Variants in SCHIP1 observed in about 807,000 individuals in gnomAD.
The protein encoded by SCHIP1 is schwannomin-interacting protein 1.
SCHIP1 carries 8 observed loss-of-function variants against 29.7 expected under a neutral mutation model. That is an observed-to-expected ratio of 0.27 (90% CI 0.16 to 0.49). The LOEUF is 0.49. Ranked by LOEUF, SCHIP1 falls within the 20% of genes least tolerant of loss-of-function variation. SCHIP1 has a pLI of 0.99. For synonymous variants in SCHIP1, 76 were observed against 94.9 expected, an observed-to-expected ratio of 0.80 and a Z score of 1.16; for missense variants, 193 against 294.6, an observed-to-expected ratio of 0.66 and a Z score of 2.52.
At chr3:159,728,057 TG>T in the SCHIP1 span, among the ~76,000 whole-genome samples, 1 of 151,984 alleles carries the variant, frequency 6.6e-6, no homozygotes, top group African/African-American at 2.4e-5. Flanking sequence ...TTAATAAATC[TG>T]GACCCATTGT....
exon 1 of SCHIP1, chr3:159,840,098 C>A: frequency 6.5e-7 from 1 of 1,527,546 alleles, no homozygotes; most frequent in Admixed American, 2.0e-5. Flanking sequence ...GGCGTTCTCT[C>A]CGCCCGCCGG....
the SCHIP1 span, among the ~76,000 whole-genome samples, chr3:159,787,768 A>G: frequency 2.0e-5 from 3 of 152,154 alleles, no homozygotes; most frequent in Non-Finnish European, 2.9e-5. Context: ...CAGCATTTTC[A>G]AAGTTTCAAA....
At chr3:159,354,160 A>G in the SCHIP1 span, among the ~76,000 whole-genome samples, 4 of 152,200 alleles carry the variant, frequency 2.6e-5, no homozygotes, top group Non-Finnish European at 5.9e-5. Context: ...CTAAAAACAA[A>G]TCTGTTATTT....
chr3:159,668,658 G>T, the SCHIP1 span, among the ~76,000 whole-genome samples: 1 of 152,122 alleles, frequency 6.6e-6, no homozygotes, highest in African/African-American at 2.4e-5. Context: ...TAAGGATGTT[G>T]AGTCCAGGTT....
the SCHIP1 span, among the ~76,000 whole-genome samples, chr3:159,562,496 A>G: frequency 6.6e-6 from 1 of 152,156 alleles, no homozygotes; most frequent in Non-Finnish European, 1.5e-5. Context: ...ACTGAGGGTG[A>G]AGTAAATTTG....
At chr3:159,876,288 G>A (rs1423168791) in intron 2 of SCHIP1, among the ~76,000 whole-genome samples, 2 of 152,196 alleles carry the variant, frequency 1.3e-5, no homozygotes, top group Non-Finnish European at 2.9e-5. Context: ...TTTCGGGTCT[G>A]TTCACTAGGC....
the SCHIP1 span, among the ~76,000 whole-genome samples, chr3:159,387,663 G>A: frequency 6.6e-6 from 1 of 152,306 alleles, no homozygotes; most frequent in South Asian, 2.1e-4. Flanking sequence ...GGTCTTGCTA[G>A]TGACTATACA....
the SCHIP1 span, among the ~76,000 whole-genome samples, chr3:159,680,629 A>T: frequency 2.3e-5 from 2 of 87,656 alleles, no homozygotes; most frequent in African/African-American, 1.0e-4. Context: ...TATAATATAT[A>T]TTTTATATAT....
the SCHIP1 span, chr3:159,282,500 TA>T: frequency 5.9e-5 from 9 of 151,858 alleles, no homozygotes; most frequent in South Asian, 1.9e-3. Context: ...AAATAAAACC[TA>T]CTTAGTATCC....
the SCHIP1 span, among the ~76,000 whole-genome samples, chr3:159,358,322 C>G: frequency 6.6e-6 from 1 of 152,216 alleles, no homozygotes; most frequent in Non-Finnish European, 1.5e-5. Flanking sequence ...ACAGGGGTAT[C>G]TGGCCAGTCC....
intron 1 of SCHIP1, among the ~76,000 whole-genome samples, chr3:159,850,364 G>A (rs183074864): frequency 3.0e-3 from 449 of 152,114 alleles, no homozygotes; most frequent in Non-Finnish European, 5.2e-3. Flanking sequence ...GACCATCCTA[G>A]CCAACATGGT....
At chr3:159,781,376 A>G in the SCHIP1 span, among the ~76,000 whole-genome samples, 1 of 152,120 alleles carries the variant, frequency 6.6e-6, no homozygotes, top group African/African-American at 2.4e-5. Flanking sequence ...GGGTTTCACT[A>G]TGTTGGCCAG....
chr3:159,395,609 T>C, the SCHIP1 span, among the ~76,000 whole-genome samples: 2 of 152,184 alleles, frequency 1.3e-5, no homozygotes, highest in African/African-American at 4.8e-5. Flanking sequence ...GGTTGTTCAG[T>C]TTCCATGTAG....
At chr3:159,549,275 T>C in the SCHIP1 span, among the ~76,000 whole-genome samples, 112 of 152,264 alleles carry the variant, frequency 7.4e-4, no homozygotes, top group African/African-American at 2.6e-3. Context: ...TGTCCTTAAC[T>C]CCGTTCTCTG....
the SCHIP1 span, among the ~76,000 whole-genome samples, chr3:159,659,003 C>A: frequency 4.6e-5 from 7 of 152,304 alleles, no homozygotes; most frequent in South Asian, 1.0e-3. Flanking sequence ...GTTTATTCCC[C>A]TAGACATATG....
At chr3:159,494,939 A>C in the SCHIP1 span, among the ~76,000 whole-genome samples, 1 of 152,230 alleles carries the variant, frequency 6.6e-6, no homozygotes, top group Non-Finnish European at 1.5e-5. Context: ...CTGGGATGCA[A>C]GGCTGGTTCA....
chr3:159,796,256 C>T, the SCHIP1 span, among the ~76,000 whole-genome samples: 31 of 151,598 alleles, frequency 2.0e-4, no homozygotes, highest in African/African-American at 6.1e-4. Context: ...AAGGTACTCC[C>T]GAACTAAGAC....
At chr3:159,670,781 C>G in the SCHIP1 span, among the ~76,000 whole-genome samples, 1 of 152,064 alleles carries the variant, frequency 6.6e-6, no homozygotes, top group Admixed American at 6.6e-5. Context: ...ACCCCATCCT[C>G]CCTGGGGTCC....
the SCHIP1 span, among the ~76,000 whole-genome samples, chr3:159,676,074 T>C: frequency 1.3e-5 from 2 of 152,140 alleles, no homozygotes; most frequent in Non-Finnish European, 2.9e-5. Flanking sequence ...GAGGTTGCAG[T>C]GAGCTGAGAT....
Sources: gnomAD v4.1 joint callset for allele counts (sites outside exome capture counted in the v4.1 genomes callset) on GRCh38, gnomAD v4.1.1 for gene constraint, MANE v1.5 for transcripts, NCBI Gene and HGNC (gene_info 2026-07-23, HGNC 2026-07-21) for gene names.